Variants in PIGN observed in about 807,000 individuals in gnomAD.
PIGN encodes the protein phosphatidylinositol glycan anchor biosynthesis class N, also known as GPI ethanolamine phosphate transferase 1.
In PIGN, 117 loss-of-function variants were observed where a neutral mutation model predicts 125.4. That is an observed-to-expected ratio of 0.93 (90% CI 0.80 to 1.09). PIGN has a LOEUF of 1.09. Among genes scored for constraint, PIGN ranks in the 50% least tolerant of loss-of-function variants. The probability of loss-of-function intolerance (pLI) is 0.00; values close to 1 mark genes in which losing one functional copy is unlikely to be tolerated. For synonymous variants in PIGN, 392 were observed against 377.8 expected (o/e 1.04, Z -0.44); for missense variants, 1,075 against 1,094.9 (o/e 0.98, Z 0.26).
intron 15 of PIGN, among the ~76,000 whole-genome samples, chr18:62,114,083 C>T (rs1387111617): frequency 2.0e-5 from 3 of 152,136 alleles, no homozygotes; most frequent in Non-Finnish European, 4.4e-5. Context: ...AAATGTGGGC[C>T]GGGTGCGGTG....
intron 4 of PIGN, 80 bp downstream of exon 4, chr18:62,161,053 T>C (rs1257024495): frequency 1.1e-6 from 1 of 890,926 alleles, no homozygotes; most frequent in Non-Finnish European, 1.8e-6. Context: ...CAGTGCATGA[T>C]AAATAGTAAG....
Position 62,042,128 on chromosome 18 carries a change from C to T in PIGN, c.*3728G>A, listed in dbSNP as rs1250156227. 2 of 152,038 alleles carry T rather than the reference C, an allele frequency of 1.3e-5. No individual in the cohort carries two copies. The highest frequency in any genetic ancestry group is 6.6e-5 in the Admixed American group (1 of 15,258). The allele number at this position is 152,038 out of a possible 1,614,324, so 9.4% of individuals were successfully genotyped here. On this transcript the variant is annotated 3_prime_UTR_variant, in exon 31 of 31. Coordinates refer to ENST00000640252, the MANE Select transcript of PIGN (RefSeq NM_176787.5). ...TTGAGGTCAGGAGTTCAAGATGAGC[C>T]TGACAAACATGGTGAAACCTTGTCA...
intron 1 of PIGN, among the ~76,000 whole-genome samples, chr18:62,185,654 T>C (rs547986996): frequency 1.1e-3 from 33 of 29,012 alleles, no homozygotes; most frequent in Non-Finnish European, 2.6e-3. Context: ...CTGAATGTAA[T>C]ATGTCACTTA....
intron 1 of PIGN, among the ~76,000 whole-genome samples, chr18:62,185,995 T>G (rs28679468): frequency 0.012 from 1,755 of 150,652 alleles, 23 homozygotes; most frequent in East Asian, 0.05. Flanking sequence ...GTTTGGGACA[T>G]AAGAGAAATG....
intron 30 of PIGN, chr18:62,072,454 G>T: frequency 8.0e-6 from 3 of 373,762 alleles, no homozygotes; most frequent in Admixed American, 4.5e-5. Context: ...CTTACCATTG[G>T]GTTACAATTG....
chr18:62,126,784 TAC>T (rs1181390012), intron 14 of PIGN, among the ~76,000 whole-genome samples: 1 of 152,138 alleles, frequency 6.6e-6, no homozygotes, highest in African/African-American at 2.4e-5. Context: ...CGATTGTCTA[TAC>T]AGTCACACCA....
chr18:62,134,910 C>A (rs995335925), intron 14 of PIGN, among the ~76,000 whole-genome samples: 2 of 152,102 alleles, frequency 1.3e-5, no homozygotes, highest in Non-Finnish European at 2.9e-5. Flanking sequence ...GATGGGCGGG[C>A]GGATGAAGAA....
chr18:62,113,206 C>A lies in PIGN; in HGVS notation c.1362G>T (p.Trp454Cys). The change falls in exon 16 of 31, where the codon TGG becomes TGT. Residue 454 changes from tryptophan to cysteine, a missense_variant. Coordinates refer to ENST00000640252, the MANE Select transcript of PIGN (RefSeq NM_176787.5). ...TGATCAACAAAGAGGCATAAGATATCCATCCCACAAAACCAATAACAACAT... is the reference window on the plus strand; with the variant it reads ...TGATCAACAAAGAGGCATAAGATATACATCCCACAAAACCAATAACAACAT... ...GVNVVIGFVG[W>C]ISYASLLIIK... is the part of the protein sequence containing the mutation. 6.2e-7 allele frequency: 1 copy of A among 1,612,836 alleles called. No homozygotes were observed. Among genetic ancestry groups the A allele is most frequent in the Non-Finnish European group, 8.5e-7 (1 of 1,179,288 alleles).
Position 62,105,542 on chromosome 18 carries a change from C to T in PIGN, c.1859+1G>A. 6.7e-7 allele frequency: 1 copy of T among 1,488,642 alleles called. No individual in the cohort carries two copies. Among genetic ancestry groups the T allele is most frequent in the Non-Finnish European group, 9.2e-7 (1 of 1,089,680 alleles). The allele number at this position is 1,488,642 out of a possible 1,614,324, so 92.2% of individuals were successfully genotyped here. A position where few individuals can be genotyped will look rare whatever the true frequency, so the allele number is the denominator to read the frequency against. ...AGAATAAAATACAATATTATTCATACACTAGAGAGATGTCTGGCTTTCGAC... is the reference window on the plus strand; with the variant it reads ...AGAATAAAATACAATATTATTCATATACTAGAGAGATGTCTGGCTTTCGAC... On this transcript the variant is annotated splice_donor_variant, in intron 20 of 30. Coordinates refer to ENST00000640252, the MANE Select transcript of PIGN (RefSeq NM_176787.5). LOFTEE classifies it high-confidence loss of function.
rs9958736 is a variant in PIGN, at chr18:62,025,376, T to C, written c.2143-7635A>G. On this transcript the variant is annotated intron_variant, in intron 23 of 24. Coordinates refer to the PIGN transcript ENST00000639600. ...TTCCTCTTGTTTTTTGGTCTTTTTT[T>C]CCCCACTTAGAGATAATAGGTGTTT... 6.2e-3 allele frequency among the ~76,000 whole-genome samples: 943 copies of C among 152,288 alleles called. 5 individuals carry two copies. Among genetic ancestry groups the C allele is most frequent in the African/African-American group, 0.016 (684 of 41,540 alleles).
At chr18:62,105,355 A>G in intron 20 of PIGN, 188 bp downstream of exon 20, 1 of 391,966 alleles carries the variant, frequency 2.6e-6, no homozygotes, top group Middle Eastern at 7.1e-4. Context: ...GAAAGCACCT[A>G]CTAGGAGGTT....
chr18:62,178,739 C>T (rs2037615024), intron 1 of PIGN, among the ~76,000 whole-genome samples: 1 of 151,960 alleles, frequency 6.6e-6, no homozygotes, highest in Admixed American at 6.6e-5. Context: ...TATATTTTTT[C>T]ATCAAGATTT....
chr18:62,162,609 C>T (rs998613276), intron 2 of PIGN: 1 of 152,060 alleles, frequency 6.6e-6, no homozygotes, highest in African/African-American at 2.4e-5. Context: ...AATTACAAGC[C>T]ACTTATTTTC....
intron 7 of PIGN, among the ~76,000 whole-genome samples, chr18:62,152,868 A>T (rs199595127): frequency 0.09 from 13,007 of 144,706 alleles, 611 homozygotes; most frequent in South Asian, 0.17. Flanking sequence ...ATATATATAT[A>T]TTTTTTTTTT....
intron 14 of PIGN, among the ~76,000 whole-genome samples, chr18:62,126,267 G>A (rs774936120): frequency 2.2e-4 from 33 of 151,954 alleles, no homozygotes; most frequent in Non-Finnish European, 1.3e-4. Flanking sequence ...ACTTTCTAGT[G>A]ATTAATACAT....
chr18:62,062,201 C>A (rs778882257), intron 30 of PIGN, among the ~76,000 whole-genome samples: 1 of 152,218 alleles, frequency 6.6e-6, no homozygotes, highest in Non-Finnish European at 1.5e-5. Context: ...CTGCTCCCCC[C>A]ACCTGCAATC....
chr18:62,047,751 C>A (rs75283223), intron 30 of PIGN, among the ~76,000 whole-genome samples: 1,662 of 152,122 alleles, frequency 0.011, 22 homozygotes, highest in East Asian at 0.072. Context: ...AATCTCATAA[C>A]CAAATACCCA....
At chr18:62,138,130 G>A in intron 14 of PIGN, 113 bp downstream of exon 14, 1 of 1,374,170 alleles carries the variant, frequency 7.3e-7, no homozygotes, top group Non-Finnish European at 9.8e-7. Context: ...TTACACTAAT[G>A]TATATAAAAT....
At chr18:62,052,100 T>C (rs1473730559) in intron 30 of PIGN, 2 of 152,244 alleles carry the variant, frequency 1.3e-5, no homozygotes, top group East Asian at 1.9e-4. Context: ...TTTACATTTG[T>C]TGAGGAGAGC....
Sources: gnomAD v4.1 joint callset for allele counts (sites outside exome capture counted in the v4.1 genomes callset) on GRCh38, gnomAD v4.1.1 for gene constraint, MANE v1.5 for transcripts, NCBI Gene and HGNC (gene_info 2026-07-23, HGNC 2026-07-21) for gene names.